The following OXR1 variants were observed in gnomAD, a reference collection of about 807,000 sequenced individuals.
OXR1 encodes the protein oxidation resistance 1, also known as oxidation resistance protein 1.
In OXR1, 41 loss-of-function variants were observed where a neutral mutation model predicts 104.6. The observed-to-expected ratio is 0.39, with a 90% CI of 0.31 to 0.51. OXR1 has a LOEUF of 0.51. Ranked by LOEUF, OXR1 falls within the 20% of genes least tolerant of loss-of-function variation. OXR1 has a pLI of 0.77. For missense variants in OXR1, 955 were observed against 1,031.9 expected, an observed-to-expected ratio of 0.93 and a Z score of 1.02; for synonymous variants, 348 against 348.4, an observed-to-expected ratio of 1.00 and a Z score of 0.01.
At chr8:106,556,249 G>A (rs757373783) in intron 3 of OXR1, among the ~76,000 whole-genome samples, 2 of 152,000 alleles carry the variant, frequency 1.3e-5, no homozygotes, top group South Asian at 2.1e-4. Context: ...TGTTACAAAT[G>A]CACTAAATTC....
intron 11 of OXR1, among the ~76,000 whole-genome samples, chr8:106,723,447 G>A (rs1280303209): frequency 8.0e-5 from 12 of 150,434 alleles, no homozygotes; most frequent in African/African-American, 2.2e-4. Flanking sequence ...GCAGTGAGCC[G>A]AGATCGTGCC....
intron 3 of OXR1, among the ~76,000 whole-genome samples, chr8:106,559,267 A>G (rs1297823479): frequency 6.6e-6 from 1 of 152,222 alleles, no homozygotes; most frequent in Non-Finnish European, 1.5e-5. Flanking sequence ...AGATTTCATC[A>G]GAATGGCATG....
chr8:106,618,085 C>G, intron 3 of OXR1: 2 of 1,535,748 alleles, frequency 1.3e-6, no homozygotes, highest in Non-Finnish European at 1.7e-6. Flanking sequence ...CTGAGAAGCA[C>G]AGGAATCAAA....
At chr8:106,648,554 C>T (rs925213061) in intron 3 of OXR1, among the ~76,000 whole-genome samples, 3 of 152,078 alleles carry the variant, frequency 2.0e-5, no homozygotes, top group African/African-American at 7.2e-5. Context: ...AAGTTTTCTA[C>T]TTAAGATTCC....
intron 2 of OXR1, among the ~76,000 whole-genome samples, chr8:106,504,188 G>GAATTAT (rs1359623722): frequency 6.6e-6 from 1 of 152,144 alleles, no homozygotes; most frequent in Non-Finnish European, 1.5e-5. Flanking sequence ...ACACATGAAG[G>GAATTAT]AATTATGAGG....
intron 2 of OXR1, among the ~76,000 whole-genome samples, chr8:106,504,519 A>G (rs1045244611): frequency 6.6e-6 from 1 of 152,208 alleles, no homozygotes. Context: ...CAAGTGGCTG[A>G]TAGCAAATGG....
At chr8:106,341,543 T>C (rs141984989) in intron 1 of OXR1, among the ~76,000 whole-genome samples, 30 of 152,314 alleles carry the variant, frequency 2.0e-4, no homozygotes, top group African/African-American at 6.7e-4. Flanking sequence ...TATGTGTGAA[T>C]GTGTCTGCAC....
At chr8:106,669,197 A>G (rs1826664097) in intron 3 of OXR1, among the ~76,000 whole-genome samples, 3 of 152,036 alleles carry the variant, frequency 2.0e-5, no homozygotes, top group African/African-American at 7.2e-5. Context: ...CACAGAGATC[A>G]GATAAAAAAA....
intron 3 of OXR1, among the ~76,000 whole-genome samples, chr8:106,557,635 T>C (rs1816381688): frequency 6.6e-6 from 1 of 152,150 alleles, no homozygotes; most frequent in African/African-American, 2.4e-5. Context: ...ATTCATCACA[T>C]AGGATACTCT....
At chr8:106,307,330 A>G (rs1447989704) in intron 1 of OXR1, among the ~76,000 whole-genome samples, 1 of 152,176 alleles carries the variant, frequency 6.6e-6, no homozygotes, top group Non-Finnish European at 1.5e-5. Context: ...CATTGTCCCC[A>G]GGATAACATT....
At chr8:106,364,662 A>C (rs78903195) in intron 2 of OXR1, among the ~76,000 whole-genome samples, 77 of 152,328 alleles carry the variant, frequency 5.1e-4, no homozygotes, top group African/African-American at 1.9e-3. Flanking sequence ...GCAAAATTAG[A>C]AATGCAGAAA....
chr8:106,588,646 C>A (rs756012755), intron 3 of OXR1, among the ~76,000 whole-genome samples: 2 of 151,764 alleles, frequency 1.3e-5, no homozygotes, highest in Non-Finnish European at 2.9e-5. Context: ...CTGTGCCTGG[C>A]TAATTTTTGT....
At chr8:106,736,996 ACTT>A (rs1410771982) in intron 11 of OXR1, among the ~76,000 whole-genome samples, 3 of 152,118 alleles carry the variant, frequency 2.0e-5, no homozygotes, top group Non-Finnish European at 2.9e-5. Flanking sequence ...TTTAAAATGT[ACTT>A]CTATATTGTT....
rs1818185242 is a variant in OXR1 at position 106,581,038 on chromosome 8, A to G, written c.220+61899A>G. 1.6e-5 allele frequency: 17 copies of G among 1,088,324 alleles called. No individual in the cohort carries two copies. In the South Asian group the frequency reaches 3.0e-4, roughly 19 times the overall value. 67.4% of individuals were successfully genotyped at this position (1,088,324 alleles called of 1,614,324 possible). ...TTCTTAAAATTAGTCAGAGGAAGAC[A>G]AGTGGGAAGGTGTAGACTTCTCACT... On this transcript the variant is annotated intron_variant, in intron 3 of 16. Transcript: ENST00000517566.
intron 3 of OXR1, among the ~76,000 whole-genome samples, chr8:106,611,969 C>T (rs13264508): frequency 0.029 from 4,429 of 151,712 alleles, 88 homozygotes; most frequent in Admixed American, 0.054. Flanking sequence ...TTCTGTTTTT[C>T]GTGAGAACTG....
chr8:106,308,376 C>T (rs570821585), intron 1 of OXR1, among the ~76,000 whole-genome samples: 2 of 152,058 alleles, frequency 1.3e-5, no homozygotes, highest in South Asian at 2.1e-4. Context: ...CTCAATCTGC[C>T]GATTCAAATG....
intron 2 of OXR1, among the ~76,000 whole-genome samples, chr8:106,401,050 G>T (rs1347788549): frequency 6.6e-6 from 1 of 152,100 alleles, no homozygotes; most frequent in Non-Finnish European, 1.5e-5. Context: ...CATGACAAAT[G>T]TTTTTTCAAA....
chr8:106,479,677 A>G (rs553428022), intron 2 of OXR1, among the ~76,000 whole-genome samples: 1 of 152,158 alleles, frequency 6.6e-6, no homozygotes, highest in African/African-American at 2.4e-5. Context: ...CAATTAATTG[A>G]CATAGGATTT....
chr8:106,618,993 C>T (rs997859368), intron 3 of OXR1, among the ~76,000 whole-genome samples: 6 of 151,928 alleles, frequency 3.9e-5, no homozygotes, highest in East Asian at 1.9e-4. Flanking sequence ...AGAACTGAGG[C>T]GTGTAAGTAA....
Sources: allele counts gnomAD v4.1 joint callset (sites outside exome capture counted in the v4.1 genomes callset), GRCh38; gene constraint gnomAD v4.1.1; transcripts MANE v1.5; gene names NCBI Gene and HGNC (gene_info 2026-07-23, HGNC 2026-07-21).